GAS2: variants seen among roughly 807,000 people sequenced by gnomAD.
GAS2 encodes the protein growth arrest-specific protein 2.
In GAS2, 20 loss-of-function variants were observed where a neutral mutation model predicts 37.5. The ratio of observed to expected loss-of-function variants is 0.53; its 90% confidence interval spans 0.37 to 0.77. The LOEUF (loss-of-function observed/expected upper bound fraction) is 0.77, where lower values mean the gene tolerates loss of function less well. Among genes scored for constraint, GAS2 ranks in the 30% least tolerant of loss-of-function variants. The pLI, the probability that GAS2 is intolerant of heterozygous loss-of-function variation, is 0.00. For synonymous variants in GAS2, 144 were observed against 132.2 expected (o/e 1.09, Z -0.61); for missense variants, 336 against 373.4 (o/e 0.90, Z 0.82).
At chr11:22,678,843 A>G (rs896411914) in intron 2 of GAS2, among the ~76,000 whole-genome samples, 1 of 152,002 alleles carries the variant, frequency 6.6e-6, no homozygotes, top group Non-Finnish European at 1.5e-5. Context: ...TTCATATAAC[A>G]TTTGTATGTA....
chr11:22,700,504 G>A (rs868085571), intron 3 of GAS2, among the ~76,000 whole-genome samples: 9 of 152,298 alleles, frequency 5.9e-5, no homozygotes, highest in Admixed American at 1.3e-4. Context: ...ATCTGAGGAC[G>A]TTAAAAGCAC....
At chr11:22,762,536 C>A (rs1003779311) in intron 7 of GAS2, among the ~76,000 whole-genome samples, 30 of 152,246 alleles carry the variant, frequency 2.0e-4, no homozygotes, top group African/African-American at 7.0e-4. Context: ...ATATCTTATT[C>A]AAAAGGCTAT....
chr11:22,724,291 T>G (rs1406646465), intron 3 of GAS2, among the ~76,000 whole-genome samples: 2 of 151,932 alleles, frequency 1.3e-5, no homozygotes, highest in African/African-American at 4.8e-5. Flanking sequence ...TGTGTTGTAT[T>G]TTTTATGATT....
intron 1 of GAS2, among the ~76,000 whole-genome samples, chr11:22,650,035 G>A (rs1356470504): frequency 6.6e-6 from 1 of 151,540 alleles, no homozygotes; most frequent in South Asian, 2.1e-4. Context: ...GATCTTTCCT[G>A]CTTTCTCTTG....
intron 7 of GAS2, among the ~76,000 whole-genome samples, chr11:22,799,432 A>G (rs1231162366): frequency 6.6e-6 from 1 of 152,074 alleles, no homozygotes; most frequent in Non-Finnish European, 1.5e-5. Context: ...TACTTAATTC[A>G]CTATGGATTC....
At chr11:22,725,102 T>C (rs977283652) in intron 3 of GAS2, among the ~76,000 whole-genome samples, 29 of 152,076 alleles carry the variant, frequency 1.9e-4, no homozygotes, top group Non-Finnish European at 4.4e-5. Flanking sequence ...GTCATGCTCA[T>C]TCTTTCACAT....
At chr11:22,654,355 T>C in intron 1 of GAS2, among the ~76,000 whole-genome samples, 1 of 151,876 alleles carries the variant, frequency 6.6e-6, no homozygotes, top group Non-Finnish European at 1.5e-5. Flanking sequence ...TTCCTTCCTT[T>C]CCTCCCTCCC....
chr11:22,764,189 A>T (rs545310463), intron 7 of GAS2, among the ~76,000 whole-genome samples: 35 of 152,322 alleles, frequency 2.3e-4, no homozygotes, highest in Non-Finnish European at 4.3e-4. Flanking sequence ...TTTTTTAAAA[A>T]AATTTTAAAA....
chr11:22,631,681 T>C (rs1858746444), intron 1 of GAS2, among the ~76,000 whole-genome samples: 1 of 152,198 alleles, frequency 6.6e-6, no homozygotes, highest in Non-Finnish European at 1.5e-5. Context: ...CACTTGATCA[T>C]GATGAATTAT....
chr11:22,794,167 C>A (rs1156449019), intron 7 of GAS2, among the ~76,000 whole-genome samples: 6 of 148,500 alleles, frequency 4.0e-5, no homozygotes, highest in Non-Finnish European at 8.9e-5. Context: ...GGAAATATTT[C>A]TGTCTTCTTG....
chr11:22,629,919 G>A (rs1017073460), intron 1 of GAS2, among the ~76,000 whole-genome samples: 7 of 151,926 alleles, frequency 4.6e-5, no homozygotes, highest in East Asian at 1.9e-4. Context: ...CTAAGTTTTC[G>A]TCTAGAATTT....
intron 3 of GAS2, among the ~76,000 whole-genome samples, chr11:22,706,109 C>T (rs887196977): frequency 6.6e-6 from 1 of 152,150 alleles, no homozygotes; most frequent in Admixed American, 6.6e-5. Context: ...TGGCATTTAT[C>T]TTAAGTATAA....
At chr11:22,682,760 C>T (rs1014945259) in intron 2 of GAS2, among the ~76,000 whole-genome samples, 1 of 151,146 alleles carries the variant, frequency 6.6e-6, no homozygotes, top group Admixed American at 6.6e-5. Context: ...TGCCTGTAGT[C>T]CCAGCTACTT....
intron 3 of GAS2, among the ~76,000 whole-genome samples, chr11:22,698,299 C>A (rs1457002471): frequency 6.6e-6 from 1 of 152,078 alleles, no homozygotes; most frequent in Non-Finnish European, 1.5e-5. Flanking sequence ...AACACAGTCA[C>A]CCTCCCAAGA....
intron 1 of GAS2, among the ~76,000 whole-genome samples, chr11:22,650,206 G>T (rs1251670245): frequency 1.3e-5 from 2 of 151,238 alleles, no homozygotes; most frequent in Non-Finnish European, 3.0e-5. Context: ...AGGTTGTTCA[G>T]TTTCCATGTA....
intron 7 of GAS2, among the ~76,000 whole-genome samples, chr11:22,801,541 C>T (rs987392843): frequency 2.6e-5 from 4 of 151,676 alleles, no homozygotes; most frequent in East Asian, 1.9e-4. Context: ...TAGTGACTTA[C>T]GTGACATGAT....
At chr11:22,668,025 C>A (rs1287246496) in intron 1 of GAS2, 2 of 152,174 alleles carry the variant, frequency 1.3e-5, no homozygotes, top group African/African-American at 4.8e-5. Context: ...CATTTGACAT[C>A]CTAGTATTAA....
At chr11:22,745,316 C>T (rs930461678) in intron 5 of GAS2, among the ~76,000 whole-genome samples, 4 of 152,046 alleles carry the variant, frequency 2.6e-5, no homozygotes, top group African/African-American at 9.7e-5. Flanking sequence ...TGCCTACCTA[C>T]AGCCATCTGA....
chr11:22,712,626 A>C (rs1180450804), intron 3 of GAS2, among the ~76,000 whole-genome samples: 1 of 152,230 alleles, frequency 6.6e-6, no homozygotes, highest in African/African-American at 2.4e-5. Flanking sequence ...AATTCTGGTA[A>C]TATGACAAAA....
Sources: allele counts gnomAD v4.1 joint callset (sites outside exome capture counted in the v4.1 genomes callset), GRCh38; gene constraint gnomAD v4.1.1; transcripts MANE v1.5; gene names NCBI Gene and HGNC (gene_info 2026-07-23, HGNC 2026-07-21).